Variants in SPATA6L observed in about 807,000 individuals in gnomAD.
SPATA6L encodes the protein spermatogenesis associated 6 like, also known as spermatogenesis associated 6-like protein.
SPATA6L carries 68 observed loss-of-function variants against 49.2 expected under a neutral mutation model. The ratio of observed to expected loss-of-function variants is 1.38; its 90% CI spans 1.14 to 1.69. The LOEUF is 1.69. Ranked by LOEUF, SPATA6L falls within the 40% of genes most tolerant of loss-of-function variation. The pLI is 0.00. For missense variants in SPATA6L, 668 were observed against 464.3 expected (o/e 1.44, Z -4.03); for synonymous variants, 198 against 165.7 (o/e 1.19, Z -1.50).
chr9:4,592,847 G>C (rs1486380384), intron 13 of SPATA6L, among the ~76,000 whole-genome samples: 1 of 152,176 alleles, frequency 6.6e-6, no homozygotes, highest in Non-Finnish European at 1.5e-5. Context: ...TTATGGCATA[G>C]ACTTTGGTGA....
rs1053703981 is a variant in SPATA6L at position 4,598,814 on chromosome 9, C to T, written c.*1997G>A. On this transcript the variant is annotated 3_prime_UTR_variant, in exon 12 of 12. Coordinates refer to ENST00000682582, the MANE Select transcript of SPATA6L (RefSeq NM_001353486.2). The stretch of plus-strand genomic sequence containing the variant: ...TGACTACTTAGAGGTAACATCAAAA[C>T]AACAAATTGACAACCATAGTTTCAG... Among the ~76,000 whole-genome samples, 1 of 152,156 alleles carries T rather than the reference C, an allele frequency of 6.6e-6. No individual in the cohort carries two copies. Among genetic ancestry groups the T allele is most frequent in the East Asian group, 1.9e-4 (1 of 5,188 alleles).
At chr9:4,666,120 G>A in intron 1 of SPATA6L, 92 bp downstream of exon 1, 2 of 1,069,620 alleles carry the variant, frequency 1.9e-6, no homozygotes, top group Admixed American at 1.7e-5. Context: ...TTTGTGGTAA[G>A]TGGGGGATGT....
chr9:4,644,183 CAAAAAAAAAAAAAAAAAAAAA>C (rs58325546), intron 3 of SPATA6L, among the ~76,000 whole-genome samples: 5,942 of 45,864 alleles, frequency 0.13, 537 homozygotes, highest in African/African-American at 0.32. Context: ...GCCATCTCTG[CAAAAAAAAAAAAAAAAAAAAA>C]AAAAAAAAAA....
intron 2 of SPATA6L, among the ~76,000 whole-genome samples, chr9:4,660,512 A>C (rs1839377178): frequency 6.6e-6 from 1 of 152,226 alleles, no homozygotes; most frequent in African/African-American, 2.4e-5. Context: ...AATGGCGATC[A>C]TTAAAAAGTC....
chr9:4,620,889 A>G (rs1829138018), intron 7 of SPATA6L, among the ~76,000 whole-genome samples: 1 of 152,198 alleles, frequency 6.6e-6, no homozygotes, highest in Non-Finnish European at 1.5e-5. Flanking sequence ...GCTGCTTTAT[A>G]AGCTACACAG....
At chr9:4,594,287 G>T (rs893831786), downstream of SPATA6L, among the ~76,000 whole-genome samples, 1 of 152,184 alleles carries the variant, frequency 6.6e-6, no homozygotes, top group Non-Finnish European at 1.5e-5. Flanking sequence ...TCAGCTCACT[G>T]CAAGCTCTGC....
chr9:4,646,500 C>T, intron 3 of SPATA6L: 1 of 1,515,412 alleles, frequency 6.6e-7, no homozygotes, highest in South Asian at 1.3e-5. Flanking sequence ...GAGGAACTAG[C>T]TGTATTAATT....
Position 4,650,888 on chromosome 9 carries a change from G to C in SPATA6L, c.226+5153C>G, listed in dbSNP as rs149325922. On this transcript the variant is annotated intron_variant, in intron 3 of 11. Transcript: ENST00000682582. ...TGTGTGTGTGTGTATTTTTGATAGA[G>C]ACACGGTTTCACCATATTGGCCAGG... Among the ~76,000 whole-genome samples the C allele has an allele frequency of 3.2e-3, 477 of 151,340 alleles. 2 individuals carry two copies. Among genetic ancestry groups the C allele is most frequent in the African/African-American group, 0.011 (462 of 41,182 alleles).
intron 2 of SPATA6L, among the ~76,000 whole-genome samples, chr9:4,657,918 G>T (rs1221315534): frequency 2.6e-5 from 4 of 152,056 alleles, no homozygotes; most frequent in African/African-American, 9.7e-5. Flanking sequence ...GGAATTTAAA[G>T]CACTGGAGCC....
intron 1 of SPATA6L, chr9:4,664,333 T>A (rs978325270): frequency 6.0e-6 from 1 of 166,964 alleles, no homozygotes; most frequent in African/African-American, 2.4e-5. Context: ...TTCTCGTATA[T>A]ACCTGTATGC....
At chr9:4,634,679 A>G (rs989251268) in intron 4 of SPATA6L, among the ~76,000 whole-genome samples, 5 of 152,208 alleles carry the variant, frequency 3.3e-5, no homozygotes, top group Non-Finnish European at 7.3e-5. Flanking sequence ...AAAGTCAAGA[A>G]AATCGTCAGG....
chr9:4,594,359 G>A (rs530251833), downstream of SPATA6L, among the ~76,000 whole-genome samples: 2 of 152,222 alleles, frequency 1.3e-5, no homozygotes, highest in South Asian at 2.1e-4. Flanking sequence ...ACAGGCGCCC[G>A]CCAGCATGCC....
intron 4 of SPATA6L, among the ~76,000 whole-genome samples, chr9:4,629,503 C>T (rs1005387327): frequency 2.6e-5 from 4 of 151,780 alleles, no homozygotes; most frequent in East Asian, 1.9e-4. Context: ...CCAGGCATTC[C>T]GGCTCCAGTG....
chr9:4,594,448 A>G (rs1307916873), downstream of SPATA6L, among the ~76,000 whole-genome samples: 4 of 152,122 alleles, frequency 2.6e-5, no homozygotes, highest in Admixed American at 1.3e-4. Flanking sequence ...TCCTGAACTC[A>G]TGATCTGCCT....
intron 3 of SPATA6L, among the ~76,000 whole-genome samples, chr9:4,647,158 T>C (rs1835585660): frequency 6.6e-6 from 1 of 152,100 alleles, no homozygotes; most frequent in African/African-American, 2.4e-5. Context: ...AATAAATAAG[T>C]GTATACATAC....
At chr9:4,637,751 T>C (rs776094716) in intron 3 of SPATA6L, among the ~76,000 whole-genome samples, 6 of 152,186 alleles carry the variant, frequency 3.9e-5, no homozygotes, top group Non-Finnish European at 7.3e-5. Context: ...TGGGACATAA[T>C]GGGGACCTGA....
chr9:4,630,944 A>G (rs748404373), intron 4 of SPATA6L, among the ~76,000 whole-genome samples: 48 of 152,358 alleles, frequency 3.2e-4, no homozygotes, highest in Non-Finnish European at 6.2e-4. Flanking sequence ...AAAACTGGGA[A>G]TGAACCCAGA....
chr9:4,622,488 C>T lies in SPATA6L; in HGVS notation c.692G>A (p.Gly231Asp), dbSNP rs1213356197. 2 of 1,613,136 alleles carry T rather than the reference C, an allele frequency of 1.2e-6. No homozygotes were observed. The highest frequency in any genetic ancestry group is 1.7e-6 in the Non-Finnish European group (2 of 1,179,720). Reference sequence around the variant, plus strand: ...CAAATGATGCTCTGAAATATTCTCACCAAAGGGCTTTGCACTGTCCACCTG... The same window carrying T: ...CAAATGATGCTCTGAAATATTCTCATCAAAGGGCTTTGCACTGTCCACCTG... ...VRHVDSAKPF[G>D]ENISEHHLRR... Residue 231 changes from glycine (G) to aspartate (D), a missense_variant, in exon 7 of 12, where the codon GGT (glycine) becomes GAT (aspartate). Transcript: ENST00000682582.
chr9:4,625,590 T>C (rs1227828850), intron 5 of SPATA6L, 24 bp from the exon 6 acceptor site: 1 of 1,431,464 alleles, frequency 7.0e-7, no homozygotes, highest in South Asian at 1.5e-5. Context: ...AAAAAGAATA[T>C]TTTTTAAAAT....
Sources: allele counts gnomAD v4.1 joint callset (sites outside exome capture counted in the v4.1 genomes callset), GRCh38; gene constraint gnomAD v4.1.1; transcripts MANE v1.5; gene names NCBI Gene and HGNC (gene_info 2026-07-23, HGNC 2026-07-21).